The following PSMD1 variants were observed in gnomAD, a reference collection of about 807,000 sequenced individuals.
The protein encoded by PSMD1 is 26S proteasome non-ATPase regulatory subunit 1.
Under a neutral mutation model 119.0 loss-of-function variants are expected in PSMD1, and 18 were observed. The ratio of observed to expected loss-of-function variants is 0.15; its 90% CI spans 0.10 to 0.22. The LOEUF is 0.22. Among genes scored for constraint, PSMD1 ranks in the 10% least tolerant of loss-of-function variants. The pLI is 1.00. For missense variants in PSMD1, 702 were observed against 1,158.5 expected (o/e 0.61, Z 5.72); for synonymous variants, 374 against 396.6 (o/e 0.94, Z 0.68).
rs891832741 is a variant in PSMD1 at position 231,064,818 on chromosome 2, A to T, written c.305-2088A>T. Among the ~76,000 whole-genome samples, 3 of 152,022 alleles carry T rather than the reference A, an allele frequency of 2.0e-5. No homozygotes were observed. In the South Asian group the frequency reaches 6.2e-4, roughly 32 times the overall value. On this transcript the variant is annotated intron_variant, in intron 4 of 24. Coordinates refer to ENST00000308696, the MANE Select transcript of PSMD1 (RefSeq NM_002807.4). The stretch of plus-strand genomic sequence containing the variant: ...GTAGCTGGGATGACAGGTGCACACT[A>T]CCACACCTGGCTAATTTTTGTGTTG...
intron 9 of PSMD1, among the ~76,000 whole-genome samples, chr2:231,078,047 C>T (rs1299869331): frequency 6.6e-6 from 1 of 152,218 alleles, no homozygotes; most frequent in Non-Finnish European, 1.5e-5. Context: ...GCAGGCGGAT[C>T]ACCTGAGGTC....
In PSMD1 at chr2:231,070,160, G is replaced by A. The variant is rs1574706507; in HGVS notation, c.646G>A (p.Val216Ile). The A allele has an allele frequency of 6.5e-7, 1 of 1,540,850 alleles. No homozygotes were observed. Among genetic ancestry groups the A allele is most frequent in the Non-Finnish European group, 8.7e-7 (1 of 1,150,518 alleles). The change falls in exon 6 of 25, where the codon GTT becomes ATT. Residue 216 changes from valine to isoleucine, a missense_variant. Val to Ile is a conservative substitution (Grantham distance 29). Transcript: ENST00000308696. ...CTTGGAGAAACCTGATTTCATCAAT[G>A]TTTGTCAGGTAATGACATTAAATTA... Reference protein sequence around the residue: ...MNLEKPDFINVCQCLIFLDDP... With the variant: ...MNLEKPDFINICQCLIFLDDP...
chr2:231,134,873 A>G (rs913700646), intron 16 of PSMD1, among the ~76,000 whole-genome samples: 3 of 152,220 alleles, frequency 2.0e-5, no homozygotes, highest in Non-Finnish European at 4.4e-5. Context: ...TGTATTTCCT[A>G]GTGCTTAACC....
At position 231,139,007 on chromosome 2, in the gene PSMD1, T is replaced by C. The variant is rs1574763852; in HGVS notation, c.1998+157T>C. ...TTCCCAGTACTCCCTCATTCTGCGA[T>C]GCTGGATTGCCCAAAGCTGCTTAAG... On this transcript the variant is annotated intron_variant, in intron 17 of 24. Transcript: ENST00000308696. The C allele has an allele frequency of 9.8e-6, 7 of 714,596 alleles. No individual in the cohort carries two copies. The East Asian group carries it at 1.9e-4, about 19-fold the overall frequency. 44.3% of individuals were successfully genotyped at this position (714,596 alleles called of 1,614,324 possible). A position where few individuals can be genotyped will look rare whatever the true frequency, so the allele number is the denominator to read the frequency against.
At chr2:231,159,727 A>G (rs1559253799) in intron 19 of PSMD1, among the ~76,000 whole-genome samples, 1 of 151,890 alleles carries the variant, frequency 6.6e-6, no homozygotes, top group Non-Finnish European at 1.5e-5. Context: ...CTTTATCTGC[A>G]CTCTAGAGGA....
intron 16 of PSMD1, among the ~76,000 whole-genome samples, chr2:231,135,537 A>C (rs1278369457): frequency 1.3e-5 from 2 of 151,980 alleles, no homozygotes; most frequent in Admixed American, 1.3e-4. Flanking sequence ...TATATAACTT[A>C]CTGTTATTTT....
intron 22 of PSMD1, 101 bp from the exon 23 acceptor site, chr2:231,165,770 C>A: frequency 9.6e-7 from 1 of 1,037,602 alleles, no homozygotes; most frequent in Non-Finnish European, 1.4e-6. Flanking sequence ...CCGACCACTA[C>A]CTCTTGTACC....
intron 16 of PSMD1, among the ~76,000 whole-genome samples, chr2:231,112,500 G>A (rs919263432): frequency 6.6e-6 from 1 of 152,240 alleles, no homozygotes; most frequent in Admixed American, 6.5e-5. Context: ...ATCATTTCAG[G>A]AATATGAAGG....
chr2:231,095,347 A>G (rs1251095129), intron 16 of PSMD1, among the ~76,000 whole-genome samples: 2 of 152,202 alleles, frequency 1.3e-5, no homozygotes, highest in Non-Finnish European at 2.9e-5. Context: ...TTGAAGTCTT[A>G]TTGACCAGGA....
At chr2:231,153,408 G>T (rs972436297) in intron 18 of PSMD1, 156 bp from the exon 19 acceptor site, 9 of 598,034 alleles carry the variant, frequency 1.5e-5, no homozygotes, top group African/African-American at 3.8e-5. Flanking sequence ...TGCAACCACG[G>T]AACTGCTCTG....
intron 18 of PSMD1, among the ~76,000 whole-genome samples, chr2:231,147,689 A>G (rs185346265): frequency 6.6e-6 from 1 of 152,360 alleles, no homozygotes; most frequent in Non-Finnish European, 1.5e-5. Context: ...AGCTTACACA[A>G]CAATTTCAGA....
intron 16 of PSMD1, among the ~76,000 whole-genome samples, chr2:231,115,879 T>G (rs1282692790): frequency 2.0e-5 from 3 of 152,136 alleles, no homozygotes; most frequent in African/African-American, 7.2e-5. Context: ...TGTATCAGAC[T>G]CTGCAGTTAA....
At chr2:231,167,079 T>C (rs1208416504) in intron 23 of PSMD1, among the ~76,000 whole-genome samples, 1 of 152,236 alleles carries the variant, frequency 6.6e-6, no homozygotes, top group Non-Finnish European at 1.5e-5. Flanking sequence ...GGTTGTTACA[T>C]GTAAAGCACC....
chr2:231,118,335 G>A (rs1695415066), intron 16 of PSMD1, among the ~76,000 whole-genome samples: 1 of 152,134 alleles, frequency 6.6e-6, no homozygotes, highest in African/African-American at 2.4e-5. Flanking sequence ...TGAAATAAGA[G>A]TGTTTGTCTT....
chr2:231,073,033 T>C (rs904259457), intron 7 of PSMD1, among the ~76,000 whole-genome samples: 14 of 152,150 alleles, frequency 9.2e-5, no homozygotes, highest in African/African-American at 3.4e-4. Context: ...TCAGAGGCCA[T>C]TGTAGGGTTA....
chr2:231,061,492 A>G (rs945043047), intron 2 of PSMD1, among the ~76,000 whole-genome samples, 182 bp downstream of exon 2: 1 of 152,192 alleles, frequency 6.6e-6, no homozygotes, highest in Non-Finnish European at 1.5e-5. Flanking sequence ...CTTGAGTTTA[A>G]CAAAGCTAAG....
chr2:231,085,497 C>A (rs1373763068), intron 15 of PSMD1, among the ~76,000 whole-genome samples: 2 of 152,198 alleles, frequency 1.3e-5, no homozygotes, highest in African/African-American at 4.8e-5. Context: ...GAGTTAGCTT[C>A]CACATACCCC....
chr2:231,070,455 C>G (rs189041486), intron 6 of PSMD1, among the ~76,000 whole-genome samples: 1 of 151,860 alleles, frequency 6.6e-6, no homozygotes, highest in African/African-American at 2.4e-5. Flanking sequence ...TTAGAAATAA[C>G]GAAGGTTTTT....
intron 16 of PSMD1, among the ~76,000 whole-genome samples, chr2:231,127,059 A>G (rs1695741535): frequency 1.3e-5 from 2 of 152,030 alleles, no homozygotes; most frequent in South Asian, 2.1e-4. Flanking sequence ...ATACACACAC[A>G]CAAAACTTTG....
Sources: allele counts gnomAD v4.1 joint callset (sites outside exome capture counted in the v4.1 genomes callset), GRCh38; gene constraint gnomAD v4.1.1; transcripts MANE v1.5; gene names NCBI Gene and HGNC (gene_info 2026-07-23, HGNC 2026-07-21).